CRACD: variants seen among roughly 807,000 people sequenced by gnomAD.
The protein encoded by CRACD is capping protein inhibiting regulator of actin dynamics, also known as capping protein-inhibiting regulator of actin dynamics.
Under a neutral mutation model 106.8 loss-of-function variants are expected in CRACD, and 56 were observed. The observed-to-expected ratio is 0.52, with a 90% CI of 0.42 to 0.66. The LOEUF is 0.66. Ranked by LOEUF, CRACD falls within the 30% of genes least tolerant of loss-of-function variation. The pLI is 0.00. For missense variants in CRACD, 1,730 were observed against 1,623.2 expected, an observed-to-expected ratio of 1.07 and a Z score of -1.13; for synonymous variants, 754 against 670.8, an observed-to-expected ratio of 1.12 and a Z score of -1.92.
chr4:56,311,350 C>T (rs1745145689), intron 6 of CRACD: 1 of 152,554 alleles, frequency 6.6e-6, no homozygotes, highest in African/African-American at 2.4e-5. Flanking sequence ...GGATCTGCTC[C>T]TGAAGAAGGG....
At chr4:56,062,556 G>A (rs977768353) in intron 1 of CRACD, among the ~76,000 whole-genome samples, 28 of 152,184 alleles carry the variant, frequency 1.8e-4, no homozygotes, top group Non-Finnish European at 7.3e-5. Context: ...ACCTTTCATT[G>A]AGGATTATTC....
intron 8 of CRACD, among the ~76,000 whole-genome samples, chr4:56,317,589 C>G (rs1745761248): frequency 6.6e-6 from 1 of 152,212 alleles, no homozygotes; most frequent in African/African-American, 2.4e-5. Context: ...GTGTCCCCTA[C>G]CAGTGTCTTC....
chr4:56,281,194 C>T (rs1743018928), intron 3 of CRACD, among the ~76,000 whole-genome samples: 1 of 152,048 alleles, frequency 6.6e-6, no homozygotes, highest in Non-Finnish European at 1.5e-5. Context: ...CTGAGCTCCA[C>T]CTCCTATCAG....
At chr4:56,179,199 G>A (rs952406661) in intron 1 of CRACD, 85 bp from the exon 2 acceptor site, 1 of 152,062 alleles carries the variant, frequency 6.6e-6, no homozygotes, top group African/African-American at 2.4e-5. Context: ...TTCTGCCAAG[G>A]ATTGGAAAAG....
intron 1 of CRACD, among the ~76,000 whole-genome samples, chr4:56,131,733 CAT>C (rs1734833135): frequency 6.6e-6 from 1 of 152,020 alleles, no homozygotes; most frequent in Non-Finnish European, 1.5e-5. Context: ...AATGCAGAAA[CAT>C]AATATGGGCA....
At chr4:56,147,136 T>C (rs1735415717) in intron 1 of CRACD, among the ~76,000 whole-genome samples, 2 of 152,276 alleles carry the variant, frequency 1.3e-5, no homozygotes, top group African/African-American at 4.8e-5. Context: ...AAGAGGATTC[T>C]GCAGCTGGCC....
At chr4:56,075,114 T>C (rs13109242) in intron 1 of CRACD, among the ~76,000 whole-genome samples, 61,953 of 152,036 alleles carry the variant, frequency 0.41, 14,564 homozygotes, top group African/African-American at 0.65. Flanking sequence ...ATTTTCGCAT[T>C]GATGTTCATC....
intron 2 of CRACD, among the ~76,000 whole-genome samples, chr4:56,213,317 A>G (rs1211617551): frequency 2.0e-5 from 3 of 152,224 alleles, no homozygotes; most frequent in East Asian, 3.9e-4. Flanking sequence ...GTAGTGGCGT[A>G]TGCCTGTAAT....
At chr4:56,051,631 C>T (rs567058135) in intron 1 of CRACD, among the ~76,000 whole-genome samples, 5 of 152,250 alleles carry the variant, frequency 3.3e-5, no homozygotes, top group Admixed American at 2.0e-4. Flanking sequence ...CTGGATCTCA[C>T]GCCCAGAGCT....
At chr4:56,239,710 A>G (rs932657979) in intron 2 of CRACD, among the ~76,000 whole-genome samples, 2 of 152,086 alleles carry the variant, frequency 1.3e-5, no homozygotes, top group Admixed American at 6.5e-5. Flanking sequence ...AGTTAAATAA[A>G]CCTTTGTGAT....
chr4:56,308,989 A>G, intron 5 of CRACD: 2 of 869,160 alleles, frequency 2.3e-6, no homozygotes, highest in Non-Finnish European at 3.3e-6. Context: ...CCATCTCTGT[A>G]GTTTACACCC....
intron 2 of CRACD, among the ~76,000 whole-genome samples, chr4:56,202,306 C>CG (rs1560482273): frequency 6.6e-6 from 1 of 152,090 alleles, no homozygotes; most frequent in African/African-American, 2.4e-5. Context: ...AGTACAGTGG[C>CG]GTGATCTTGG....
At chr4:56,051,965 A>G (rs1304209304) in intron 1 of CRACD, among the ~76,000 whole-genome samples, 1 of 152,252 alleles carries the variant, frequency 6.6e-6, no homozygotes, top group Non-Finnish European at 1.5e-5. Context: ...TAATGTGGGC[A>G]TAGCACAATG....
At chr4:56,304,885 TAG>T (rs1414142624) in intron 4 of CRACD, among the ~76,000 whole-genome samples, 1 of 152,162 alleles carries the variant, frequency 6.6e-6, no homozygotes, top group Non-Finnish European at 1.5e-5. Context: ...TAAATGGTAT[TAG>T]AGTGTTAGGC....
intron 8 of CRACD, among the ~76,000 whole-genome samples, chr4:56,318,736 T>G (rs1447455933): frequency 2.0e-5 from 3 of 152,218 alleles, no homozygotes; most frequent in Admixed American, 2.0e-4. Flanking sequence ...TTATGCAACT[T>G]GCTGCTGTAG....
chr4:56,288,389 C>A, intron 3 of CRACD: 1 of 227,746 alleles, frequency 4.4e-6, no homozygotes, highest in South Asian at 6.4e-5. Flanking sequence ...CTCTTGCCCC[C>A]CGCTCCCTCC....
rs572653324 is a variant in CRACD at position 56,154,386 on chromosome 4, A to G, written c.-335-24898A>G. 3.3e-5 allele frequency among the ~76,000 whole-genome samples: 5 copies of G among 152,278 alleles called. No homozygotes were observed. In the East Asian group the frequency reaches 9.6e-4, roughly 29 times the overall value. Reference sequence around the variant, plus strand: ...GAGGCTAACGCAGGAGTATACCTTAAGCCCAGGAGGCAGAGGCTGCAGTGA... The same window carrying G: ...GAGGCTAACGCAGGAGTATACCTTAGGCCCAGGAGGCAGAGGCTGCAGTGA... On this transcript the variant is annotated intron_variant, in intron 1 of 10. Coordinates refer to ENST00000682029, the MANE Select transcript of CRACD (RefSeq NM_001393381.1).
At chr4:56,149,492 C>T (rs535967022) in intron 1 of CRACD, among the ~76,000 whole-genome samples, 1 of 152,248 alleles carries the variant, frequency 6.6e-6, no homozygotes, top group African/African-American at 2.4e-5. Flanking sequence ...TTTAAATATT[C>T]TACATGTGCT....
intron 1 of CRACD, among the ~76,000 whole-genome samples, chr4:56,175,963 T>A (rs911637459): frequency 1.3e-5 from 2 of 152,184 alleles, no homozygotes; most frequent in Non-Finnish European, 2.9e-5. Context: ...TTGTATATGG[T>A]GAGATATAGA....
Sources: allele counts gnomAD v4.1 joint callset (sites outside exome capture counted in the v4.1 genomes callset), GRCh38; gene constraint gnomAD v4.1.1; transcripts MANE v1.5; gene names NCBI Gene and HGNC (gene_info 2026-07-23, HGNC 2026-07-21).